The following CCDC102B variants were observed in gnomAD, a reference collection of about 807,000 sequenced individuals.
The protein encoded by CCDC102B is coiled-coil domain containing 102B, also known as coiled-coil domain-containing protein 102B.
CCDC102B carries 75 observed loss-of-function variants against 57.4 expected under a neutral mutation model. The ratio of observed to expected loss-of-function variants is 1.31; its 90% CI spans 1.08 to 1.58. CCDC102B has a LOEUF of 1.58. Among genes scored for constraint, CCDC102B ranks in the 40% most tolerant of loss-of-function variants. CCDC102B has a pLI of 0.00. For missense variants in CCDC102B, 636 were observed against 582.6 expected (o/e 1.09, Z -0.94); for synonymous variants, 206 against 201.9 (o/e 1.02, Z -0.17).
At chr18:69,044,669 T>C (rs1418869313) in intron 7 of CCDC102B, among the ~76,000 whole-genome samples, 2 of 152,184 alleles carry the variant, frequency 1.3e-5, no homozygotes, top group East Asian at 3.9e-4. Context: ...TATTTCCTTT[T>C]TAAAATGAGG....
intron 7 of CCDC102B, among the ~76,000 whole-genome samples, chr18:69,049,849 G>A (rs2052660134): frequency 6.6e-6 from 1 of 150,502 alleles, no homozygotes; most frequent in Non-Finnish European, 1.5e-5. Context: ...TCACTATGTT[G>A]CCCAGGCTGG....
intron 5 of CCDC102B, among the ~76,000 whole-genome samples, chr18:68,886,529 A>T (rs537541461): frequency 6.6e-6 from 1 of 152,136 alleles, no homozygotes; most frequent in Admixed American, 6.6e-5. Flanking sequence ...AGAAACCTAA[A>T]TTCTTTTTTA....
At chr18:68,902,984 T>C (rs2040504710) in intron 6 of CCDC102B, among the ~76,000 whole-genome samples, 1 of 152,190 alleles carries the variant, frequency 6.6e-6, no homozygotes, top group Admixed American at 6.5e-5. Flanking sequence ...ATGAAAGGGA[T>C]AAATTTTTTA....
intron 7 of CCDC102B, among the ~76,000 whole-genome samples, chr18:69,041,510 T>A (rs749510716): frequency 8.5e-5 from 13 of 152,104 alleles, no homozygotes; most frequent in Non-Finnish European, 1.6e-4. Context: ...CTGCTTCCCC[T>A]ATGGACTCCT....
At chr18:68,818,468 G>A (rs1016046567) in intron 1 of CCDC102B, among the ~76,000 whole-genome samples, 3 of 152,142 alleles carry the variant, frequency 2.0e-5, no homozygotes, top group Non-Finnish European at 4.4e-5. Flanking sequence ...ATACACCCAT[G>A]TAGCCAATAC....
chr18:69,044,067 C>G (rs561612458), intron 7 of CCDC102B, among the ~76,000 whole-genome samples: 1 of 152,050 alleles, frequency 6.6e-6, no homozygotes, highest in South Asian at 2.1e-4. Context: ...AAAACCAAAC[C>G]AAAACCAAAG....
chr18:68,767,858 A>T (rs1314683440), intron 2 of CCDC102B, among the ~76,000 whole-genome samples: 1 of 152,148 alleles, frequency 6.6e-6, no homozygotes, highest in Non-Finnish European at 1.5e-5. Flanking sequence ...TGTTTTTCAA[A>T]TTGTTATTTA....
chr18:68,914,944 A>G (rs2041010442), intron 6 of CCDC102B, among the ~76,000 whole-genome samples: 1 of 150,804 alleles, frequency 6.6e-6, no homozygotes, highest in African/African-American at 2.4e-5. Context: ...GTGAGGACTT[A>G]CTGTATTTTT....
At chr18:68,719,678 A>G (rs1307469295) in intron 2 of CCDC102B, among the ~76,000 whole-genome samples, 2 of 152,212 alleles carry the variant, frequency 1.3e-5, no homozygotes, top group African/African-American at 2.4e-5. Flanking sequence ...TCCCAAAAAC[A>G]TCCTCATAGA....
intron 2 of CCDC102B, among the ~76,000 whole-genome samples, chr18:68,755,513 A>C (rs1334532905): frequency 1.3e-5 from 2 of 152,194 alleles, no homozygotes; most frequent in Non-Finnish European, 2.9e-5. Flanking sequence ...ATTATAAGAA[A>C]TAGAATAGGG....
At chr18:69,033,230 C>T (rs1380158516) in intron 7 of CCDC102B, among the ~76,000 whole-genome samples, 1 of 151,986 alleles carries the variant, frequency 6.6e-6, no homozygotes, top group Non-Finnish European at 1.5e-5. Context: ...AAAATTATGG[C>T]AACTGAAAAT....
At chr18:68,825,514 A>T (rs1039327229) in intron 1 of CCDC102B, among the ~76,000 whole-genome samples, 3 of 151,978 alleles carry the variant, frequency 2.0e-5, no homozygotes, top group African/African-American at 4.8e-5. Context: ...ACATAGCAAA[A>T]CTTCATCTCT....
At chr18:68,751,782 GA>G (rs146161015) in intron 2 of CCDC102B, among the ~76,000 whole-genome samples, 20 of 152,226 alleles carry the variant, frequency 1.3e-4, no homozygotes, top group Non-Finnish European at 2.6e-4. Context: ...AGGAAAGAAA[GA>G]TGGGAAAAAG....
chr18:68,762,883 C>G (rs2034300057), intron 2 of CCDC102B, among the ~76,000 whole-genome samples: 1 of 152,042 alleles, frequency 6.6e-6, no homozygotes, highest in Non-Finnish European at 1.5e-5. Flanking sequence ...TTGGTACTAC[C>G]TGTGGTTTTA....
intron 7 of CCDC102B, among the ~76,000 whole-genome samples, chr18:69,048,207 A>AGTGT: frequency 6.6e-6 from 1 of 151,428 alleles, no homozygotes; most frequent in South Asian, 2.1e-4. Flanking sequence ...ATGCCAAATA[A>AGTGT]GTGTGTGTGT....
chr18:68,918,121 T>A (rs1170414992), intron 6 of CCDC102B, among the ~76,000 whole-genome samples: 1 of 152,114 alleles, frequency 6.6e-6, no homozygotes, highest in East Asian at 1.9e-4. Flanking sequence ...ATTAGAAAAT[T>A]CTTAAGTTTC....
intron 5 of CCDC102B, among the ~76,000 whole-genome samples, chr18:68,879,352 T>G (rs573075590): frequency 1.2e-4 from 18 of 152,248 alleles, no homozygotes; most frequent in African/African-American, 3.8e-4. Flanking sequence ...AGAACAAAGC[T>G]TCCACAGTGT....
At position 68,775,802 on chromosome 18, in the gene CCDC102B, C is replaced by T. The variant is rs181990441; in HGVS notation, c.-66-47564C>T. On this transcript the variant is annotated intron_variant, in intron 2 of 3. Coordinates refer to the CCDC102B transcript ENST00000578970. ...CTGAGTAGCTGGGACTACAGGCGCC[C>T]GCCACCACGCCCAGCTAATTTTTGT... Among the ~76,000 whole-genome samples the T allele has an allele frequency of 7.9e-3, 1,201 of 151,800 alleles. 36 individuals are homozygous for T. Among genetic ancestry groups the T allele is most frequent in the Admixed American group, 0.054 (830 of 15,242 alleles).
intron 6 of CCDC102B, among the ~76,000 whole-genome samples, chr18:68,957,328 T>A (rs1269533002): frequency 6.6e-6 from 1 of 152,124 alleles, no homozygotes; most frequent in Non-Finnish European, 1.5e-5. Context: ...TTCTTCTGAA[T>A]ATGGATATCC....
Sources: allele counts gnomAD v4.1 joint callset (sites outside exome capture counted in the v4.1 genomes callset), GRCh38; gene constraint gnomAD v4.1.1; transcripts MANE v1.5; gene names NCBI Gene and HGNC (gene_info 2026-07-23, HGNC 2026-07-21).